ROCK1: variants seen among roughly 807,000 people sequenced by gnomAD.
The protein encoded by ROCK1 is rho-associated protein kinase 1.
Under a neutral mutation model 196.8 loss-of-function variants are expected in ROCK1, and 36 were observed. The ratio of observed to expected loss-of-function variants is 0.18; its 90% CI spans 0.14 to 0.24. The LOEUF (loss-of-function observed/expected upper bound fraction) is 0.24, where lower values mean the gene tolerates loss of function less well. ROCK1 is among the 10% of genes least tolerant of loss of function. The pLI is 1.00. For synonymous variants in ROCK1, 443 were observed against 515.9 expected (o/e 0.86, Z 1.91); for missense variants, 920 against 1,562.0 (o/e 0.59, Z 6.93).
intron 13 of ROCK1, among the ~76,000 whole-genome samples, chr18:21,012,232 T>C (rs1271497981): frequency 6.6e-6 from 1 of 152,230 alleles, no homozygotes; most frequent in Non-Finnish European, 1.5e-5. Context: ...ATTACAGGTG[T>C]GAACCACCCT....
chr18:21,024,354 C>G (rs1320540748), intron 10 of ROCK1, among the ~76,000 whole-genome samples: 1 of 152,116 alleles, frequency 6.6e-6, no homozygotes. Context: ...TTAGATGTCT[C>G]ACAAGATTCT....
At chr18:20,988,752 C>T (rs897121647) in intron 18 of ROCK1, among the ~76,000 whole-genome samples, 7 of 152,140 alleles carry the variant, frequency 4.6e-5, no homozygotes, top group Non-Finnish European at 8.8e-5. Flanking sequence ...TCAAAACAAT[C>T]ATATTAATAT....
rs1052353587 is a variant in ROCK1, at chr18:20,951,445, G to T, written c.4062-58C>A. On this transcript the variant is annotated intron_variant, in intron 32 of 32. Coordinates refer to ENST00000399799, the MANE Select transcript of ROCK1 (RefSeq NM_005406.3). ...AAATGCACTCAGTTTAAAAATACAA[G>T]AAACAAACATTAGGAGGAAAGGTAA... is the stretch of plus-strand genomic sequence containing the variant. 8.5e-6 allele frequency: 12 copies of T among 1,409,474 alleles called. No homozygotes were observed. The Admixed American group carries it at 1.0e-4, about 12-fold the overall frequency. The allele number at this position is 1,409,474 out of a possible 1,614,324, so 87.3% of individuals were successfully genotyped here.
rs1568370269 is a variant in ROCK1 at position 20,968,843 on chromosome 18, CCTT to C, written c.2929_2931del (p.Lys977del). 6.3e-7 allele frequency: 1 copy of C among 1,599,766 alleles called. No individual in the cohort carries two copies. The highest frequency in any genetic ancestry group is 1.1e-5 in the South Asian group (1 of 90,750). On this transcript the variant is annotated inframe_deletion, in exon 25 of 33. Coordinates refer to ENST00000399799, the MANE Select transcript of ROCK1 (RefSeq NM_005406.3). ...GCCTTAAGATTACTGATCTCCTCCT[CCTT>C]CTCCAGTTTATATTCTGTCAACAAA...
At chr18:21,075,436 C>T (rs946777862) in intron 1 of ROCK1, among the ~76,000 whole-genome samples, 12 of 152,166 alleles carry the variant, frequency 7.9e-5, no homozygotes, top group African/African-American at 2.2e-4. Flanking sequence ...ATATTTCAGA[C>T]ACACTACATC....
Position 21,079,979 on chromosome 18 carries a change from A to C in ROCK1, c.94-9366T>G, listed in dbSNP as rs549813012. Among the ~76,000 whole-genome samples the C allele has an allele frequency of 4.6e-5, 7 of 152,180 alleles. No individual in the cohort carries two copies. The South Asian group carries it at 1.2e-3, about 27-fold the overall frequency. On this transcript the variant is annotated intron_variant, in intron 1 of 32. Transcript: ENST00000399799. ...AAGGAGTCCCAGTGCTTTAAAATAC[A>C]CTCCAGGGGAGTGCATGTTGAAGAC...
chr18:21,008,222 C>A, intron 13 of ROCK1, 28 bp from the exon 14 acceptor site: 1 of 1,509,512 alleles, frequency 6.6e-7, no homozygotes. Context: ...AAAGTTACCA[C>A]TGTGATTAAT....
At chr18:20,968,595 C>G (rs954502454) in intron 25 of ROCK1, 177 bp downstream of exon 25, 2 of 547,168 alleles carry the variant, frequency 3.7e-6, no homozygotes, top group African/African-American at 2.0e-5. Flanking sequence ...CATGAGCCAC[C>G]GCGCCTGGCC....
chr18:21,087,164 C>A (rs1233871075), intron 1 of ROCK1, among the ~76,000 whole-genome samples: 1 of 151,980 alleles, frequency 6.6e-6, no homozygotes, highest in Non-Finnish European at 1.5e-5. Context: ...ATTTAAAAAG[C>A]TATACAAAGA....
chr18:21,081,249 T>C (rs1288961518), intron 1 of ROCK1, among the ~76,000 whole-genome samples: 1 of 151,970 alleles, frequency 6.6e-6, no homozygotes, highest in Non-Finnish European at 1.5e-5. Flanking sequence ...AATTAGACAA[T>C]GAACTCTTAA....
intron 16 of ROCK1, among the ~76,000 whole-genome samples, chr18:21,000,150 GAACAA>G (rs199604459): frequency 0.023 from 3,561 of 152,122 alleles, 144 homozygotes; most frequent in African/African-American, 0.082. Context: ...AAGCTACAGT[GAACAA>G]AACAAAACAG....
At chr18:20,956,601 C>T (rs539079364) in intron 29 of ROCK1, among the ~76,000 whole-genome samples, 13 of 152,260 alleles carry the variant, frequency 8.5e-5, no homozygotes, top group Admixed American at 7.8e-4. Flanking sequence ...TTGGAACAAC[C>T]AGATACCTAT....
intron 1 of ROCK1, among the ~76,000 whole-genome samples, chr18:21,074,458 T>G (rs565925446): frequency 3.4e-4 from 52 of 152,316 alleles, no homozygotes; most frequent in Middle Eastern, 3.4e-3. Flanking sequence ...TACACATACA[T>G]AGCTGGGCTT....
chr18:21,084,035 CT>C (rs1285609529), intron 1 of ROCK1, among the ~76,000 whole-genome samples: 1 of 152,120 alleles, frequency 6.6e-6, no homozygotes, highest in Non-Finnish European at 1.5e-5. Flanking sequence ...AATGGACAGT[CT>C]TTTTAGCAAA....
At chr18:20,997,306 T>TAAAACA (rs745932548) in intron 16 of ROCK1, among the ~76,000 whole-genome samples, 85 of 151,854 alleles carry the variant, frequency 5.6e-4, no homozygotes, top group African/African-American at 2.0e-3. Context: ...CCATGCCAAT[T>TAAAACA]AAAACAAAAA....
intron 22 of ROCK1, among the ~76,000 whole-genome samples, chr18:20,971,293 ATATAG>A (rs934302330): frequency 6.4e-4 from 88 of 138,578 alleles, no homozygotes; most frequent in African/African-American, 2.2e-3. Context: ...AGAGGGAGAC[ATATAG>A]TAAACATACA....
At chr18:21,072,134 GTTGTTGTTACACATGGGCATCTGAGTT>G (rs1395072614) in intron 1 of ROCK1, among the ~76,000 whole-genome samples, 10 of 152,144 alleles carry the variant, frequency 6.6e-5, no homozygotes, top group Non-Finnish European at 7.4e-5. Context: ...AAGTACTTTT[GTTGTTGTTACACATGGGCATCTGAGTT>G]TTGCGTGACC....
At chr18:21,103,289 T>C (rs2036675082) in intron 1 of ROCK1, among the ~76,000 whole-genome samples, 1 of 152,254 alleles carries the variant, frequency 6.6e-6, no homozygotes, top group African/African-American at 2.4e-5. Flanking sequence ...TAGGAACTAG[T>C]TCCAAAAAAA....
chr18:21,091,386 C>T (rs570652431), intron 1 of ROCK1, among the ~76,000 whole-genome samples: 8 of 152,118 alleles, frequency 5.3e-5, no homozygotes, highest in Middle Eastern at 3.4e-3. Context: ...GGGTGGATCA[C>T]GAGGTCAGGA....
Sources: gnomAD v4.1 joint callset for allele counts (sites outside exome capture counted in the v4.1 genomes callset) on GRCh38, gnomAD v4.1.1 for gene constraint, MANE v1.5 for transcripts, NCBI Gene and HGNC (gene_info 2026-07-23, HGNC 2026-07-21) for gene names.